The following RNF130 variants were observed in gnomAD, a reference collection of about 807,000 sequenced individuals.
RNF130 encodes E3 ubiquitin-protein ligase RNF130.
Under a neutral mutation model 44.6 loss-of-function variants are expected in RNF130, and 21 were observed. The observed-to-expected ratio is 0.47, with a 90% confidence interval of 0.33 to 0.68. The LOEUF is 0.68. RNF130 is among the 30% of genes least tolerant of loss of function. The pLI is 0.02. For missense variants in RNF130, 479 were observed against 560.6 expected, an observed-to-expected ratio of 0.85 and a Z score of 1.47; for synonymous variants, 214 against 210.4, an observed-to-expected ratio of 1.02 and a Z score of -0.15.
At chr5:180,019,119 T>C (rs912760618) in intron 2 of RNF130, among the ~76,000 whole-genome samples, 5 of 152,248 alleles carry the variant, frequency 3.3e-5, no homozygotes, top group Non-Finnish European at 7.4e-5. Context: ...GCGGGGTGGC[T>C]CACGCCTGTA....
chr5:180,070,137 C>T (rs1292348440), intron 1 of RNF130, among the ~76,000 whole-genome samples: 1 of 152,148 alleles, frequency 6.6e-6, no homozygotes, highest in Non-Finnish European at 1.5e-5. Flanking sequence ...AAGAGGCTAC[C>T]ATTGTTAGTT....
At chr5:179,994,777 T>A (rs1330840426) in intron 3 of RNF130, among the ~76,000 whole-genome samples, 1 of 152,176 alleles carries the variant, frequency 6.6e-6, no homozygotes, top group South Asian at 2.1e-4. Flanking sequence ...TAAGCAGATG[T>A]TGTAATGGGC....
At chr5:179,912,268 T>C (rs1761477799) in exon 8 of RNF130, 1 of 152,246 alleles carries the variant, frequency 6.6e-6, no homozygotes, top group African/African-American at 2.4e-5. Flanking sequence ...GTGACATATG[T>C]GGCCTAGGGC....
At chr5:179,941,559 C>T (rs754381944) in intron 7 of RNF130, among the ~76,000 whole-genome samples, 2 of 152,074 alleles carry the variant, frequency 1.3e-5, no homozygotes, top group Admixed American at 1.3e-4. Context: ...CTCTCCTTCT[C>T]TCTCGGTCTT....
At chr5:179,991,396 C>T (rs924327887) in intron 3 of RNF130, among the ~76,000 whole-genome samples, 9 of 152,194 alleles carry the variant, frequency 5.9e-5, no homozygotes, top group Non-Finnish European at 8.8e-5. Flanking sequence ...TCTTGCTAAA[C>T]GAGTTAAGTT....
intron 8 of RNF130, among the ~76,000 whole-genome samples, chr5:179,957,548 T>C (rs188532638): frequency 1.3e-5 from 2 of 152,342 alleles, no homozygotes; most frequent in Admixed American, 1.3e-4. Context: ...ACCACATTAT[T>C]TGGCACTATC....
intron 8 of RNF130, among the ~76,000 whole-genome samples, chr5:179,962,082 C>G (rs1762344056): frequency 6.6e-6 from 1 of 152,194 alleles, no homozygotes. Flanking sequence ...AGAGTCAAAT[C>G]CAGGTGTGTG....
intron 7 of RNF130, among the ~76,000 whole-genome samples, chr5:179,964,821 C>T (rs940866781): frequency 2.0e-5 from 3 of 152,202 alleles, no homozygotes; most frequent in African/African-American, 7.2e-5. Context: ...ATCTTTTAGA[C>T]ACCAGTGCAG....
In RNF130 at chr5:180,071,344, T is replaced by C. The variant is rs532589898; in HGVS notation, c.247+112A>G. ...GAAGCCTCGACCCTGGCTGGGGCTG[T>C]CGGCCGGGCAGCGCGGGAGAGCCAG... is the stretch of plus-strand genomic sequence containing the variant. On this transcript the variant is annotated intron_variant, in intron 1 of 8. Coordinates refer to ENST00000521389, the MANE Select transcript of RNF130 (RefSeq NM_018434.6). The C allele has an allele frequency of 7.4e-6, 8 of 1,081,008 alleles. No individual in the cohort carries two copies. The African/African-American group carries it at 9.8e-5, about 13-fold the overall frequency. The allele number at this position is 1,081,008 out of a possible 1,614,324, so 67.0% of individuals were successfully genotyped here.
At position 180,010,178 on chromosome 5, in the gene RNF130, C is replaced by T. The variant is rs1251659420; in HGVS notation, c.693+2883G>A. On this transcript the variant is annotated intron_variant, in intron 3 of 8. Coordinates refer to ENST00000521389, the MANE Select transcript of RNF130 (RefSeq NM_018434.6). The stretch of plus-strand genomic sequence containing the variant: ...AGGAGAATGGCGTGAACCTGGGAGG[C>T]GGAGCTTGCAGTAAGCTGAGATCCA... Among the ~76,000 whole-genome samples the T allele has an allele frequency of 4.8e-5, 6 of 125,820 alleles. No homozygotes were observed. In the South Asian group the frequency reaches 8.3e-4, roughly 17 times the overall value. 82.5% of individuals were successfully genotyped at this position (125,820 alleles called of 152,430 possible). A position where few individuals can be genotyped will look rare whatever the true frequency, so the allele number is the denominator to read the frequency against.
intron 3 of RNF130, among the ~76,000 whole-genome samples, chr5:179,999,652 G>A (rs1269628012): frequency 1.3e-5 from 2 of 152,148 alleles, no homozygotes; most frequent in Non-Finnish European, 2.9e-5. Context: ...GGGAGGCGAA[G>A]GTTGCAGTGA....
chr5:180,034,721 G>A (rs1023061918), intron 2 of RNF130, among the ~76,000 whole-genome samples: 28 of 152,158 alleles, frequency 1.8e-4, no homozygotes, highest in Admixed American at 1.8e-3. Context: ...GGTTTGGGGA[G>A]GATTCCCACC....
intron 1 of RNF130, among the ~76,000 whole-genome samples, chr5:180,063,038 G>A (rs545210973): frequency 6.6e-6 from 1 of 152,210 alleles, no homozygotes; most frequent in East Asian, 1.9e-4. Context: ...GGGGTGGGGA[G>A]GAGGAAGGGG....
intron 7 of RNF130, chr5:179,939,495 C>T: frequency 4.4e-6 from 1 of 225,474 alleles, no homozygotes; most frequent in South Asian, 6.2e-5. Flanking sequence ...AGCAGCTGCT[C>T]CTTATGCTGG....
intron 7 of RNF130, among the ~76,000 whole-genome samples, chr5:179,945,524 C>T (rs1376031219): frequency 6.6e-6 from 1 of 152,164 alleles, no homozygotes; most frequent in African/African-American, 2.4e-5. Context: ...CACAGTGCTA[C>T]GTTGCTGTTA....
At chr5:180,038,525 C>G (rs1764329976) in intron 2 of RNF130, among the ~76,000 whole-genome samples, 1 of 151,750 alleles carries the variant, frequency 6.6e-6, no homozygotes, top group Non-Finnish European at 1.5e-5. Context: ...TCTCAGAGAC[C>G]CAAAAATGTT....
At chr5:180,055,591 G>A (rs908796569) in intron 1 of RNF130, among the ~76,000 whole-genome samples, 8 of 152,106 alleles carry the variant, frequency 5.3e-5, no homozygotes, top group East Asian at 1.9e-4. Flanking sequence ...TCATTCATCC[G>A]TTTGTTTTCA....
intron 3 of RNF130, among the ~76,000 whole-genome samples, chr5:179,984,505 A>T (rs1450249889): frequency 2.0e-5 from 3 of 152,206 alleles, no homozygotes; most frequent in African/African-American, 7.2e-5. Context: ...ATCTATTGAG[A>T]TCATACAGTT....
intron 7 of RNF130, among the ~76,000 whole-genome samples, chr5:179,924,494 G>GAA (rs35214110): frequency 1.1e-3 from 140 of 132,068 alleles, no homozygotes; most frequent in African/African-American, 2.9e-3. Flanking sequence ...AACTCTGTCT[G>GAA]AAAAAAAAAA....
Sources: allele counts gnomAD v4.1 joint callset (sites outside exome capture counted in the v4.1 genomes callset), GRCh38; gene constraint gnomAD v4.1.1; transcripts MANE v1.5; gene names NCBI Gene and HGNC (gene_info 2026-07-23, HGNC 2026-07-21).